Variants in ERBB3 observed in about 807,000 individuals in gnomAD.
ERBB3 encodes erb-b2 receptor tyrosine kinase 3.
A neutral mutation model predicts 156.7 loss-of-function variants in ERBB3; 96 were observed. The observed-to-expected ratio is 0.61, with a 90% CI of 0.52 to 0.73. The LOEUF is 0.73. Ranked by LOEUF, ERBB3 falls within the 30% of genes least tolerant of loss-of-function variation. ERBB3 has a pLI of 0.00. For synonymous variants in ERBB3, 567 were observed against 632.0 expected (o/e 0.90, Z 1.54); for missense variants, 1,406 against 1,709.4 (o/e 0.82, Z 3.13).
At position 56,098,717 on chromosome 12, in the gene ERBB3, C is replaced by G. The variant is rs771231548; in HGVS notation, c.2693-42C>G. The G allele has an allele frequency of 3.7e-6, 6 of 1,612,214 alleles. No homozygotes were observed. The Admixed American group carries it at 1.0e-4, about 27-fold the overall frequency. ...CCTTCCCTTCACTTCATGCCCATGT[C>G]TACTATTTTGCCAGTGACTAGTCCA... On this transcript the variant is annotated intron_variant, in intron 22 of 27. Transcript: ENST00000267101.
intron 23 of ERBB3, 151 bp from the exon 24 acceptor site, chr12:56,099,497 C>T (rs1391609858): frequency 1.4e-6 from 1 of 700,246 alleles, no homozygotes; most frequent in Non-Finnish European, 2.6e-6. Context: ...TGGGGTTTCA[C>T]TATGTTGGCC....
rs545874178 is a variant in ERBB3, at chr12:56,102,647, A to G, written c.*592A>G. On this transcript the variant is annotated 3_prime_UTR_variant, in exon 28 of 28. Transcript: ENST00000267101. The stretch of plus-strand genomic sequence containing the variant: ...TTAGTCCTTTATCATCCTTAAAACA[A>G]TTCTGTGACATACATATTATCTCAT... 3.0e-5 allele frequency: 7 copies of G among 231,922 alleles called. No individual in the cohort carries two copies. The East Asian group carries it at 4.3e-4, about 14-fold the overall frequency. The allele number at this position is 231,922 out of a possible 1,614,324, so 14.4% of individuals were successfully genotyped here. A position where few individuals can be genotyped will look rare whatever the true frequency, so the allele number is the denominator to read the frequency against.
At chr12:56,094,075 C>T (rs377036506) in intron 13 of ERBB3, 24 bp from the exon 14 acceptor site, 9 of 1,595,578 alleles carry the variant, frequency 5.6e-6, no homozygotes, top group African/African-American at 5.4e-5. Context: ...AGTGACCCCC[C>T]CCTCCCTTTA....
At chr12:56,080,634 G>A (rs1565854747) in intron 1 of ERBB3, among the ~76,000 whole-genome samples, 1 of 152,224 alleles carries the variant, frequency 6.6e-6, no homozygotes, top group Non-Finnish European at 1.5e-5. Flanking sequence ...CTCCCCAGAA[G>A]AGGCTGAGGC....
At chr12:56,090,163 CTAA>C (rs1432774866) in intron 9 of ERBB3, among the ~76,000 whole-genome samples, 4 of 151,810 alleles carry the variant, frequency 2.6e-5, no homozygotes, top group Admixed American at 1.3e-4. Flanking sequence ...TCATGCCCGG[CTAA>C]TTTTTGTATT....
At position 56,093,401 on chromosome 12, in the gene ERBB3, G is replaced by C. The variant is rs777498890; in HGVS notation, c.1331G>C (p.Arg444Pro). ...KNLNVTSLGF[R>P]SLKEISAGRI... Reference sequence around the variant, plus strand: ...TTGAATGTCACATCTCTGGGCTTCCGATCCCTGAAGGAAATTAGTGCTGGG... The same window carrying C: ...TTGAATGTCACATCTCTGGGCTTCCCATCCCTGAAGGAAATTAGTGCTGGG... Residue 444 changes from arginine (R) to proline (P), a missense_variant, in exon 12 of 28, where the codon CGA becomes CCA. This residue lies in a region of ERBB3 where 979 missense variants were observed against 1,219.6 expected (regional missense o/e 0.80). Transcript: ENST00000267101. 1.9e-6 allele frequency: 3 copies of C among 1,613,930 alleles called. No individual in the cohort carries two copies. The highest frequency in any genetic ancestry group is 1.1e-5 in the South Asian group (1 of 91,078).
At chr12:56,098,449 T>A in intron 21 of ERBB3, 51 bp from the exon 22 acceptor site, 3 of 1,308,196 alleles carry the variant, frequency 2.3e-6, no homozygotes, top group Non-Finnish European at 3.3e-6. Context: ...TTGGAAATCC[T>A]AAGAAAATTT....
chr12:56,080,253 G>C lies in ERBB3; in HGVS notation c.-48G>C, dbSNP rs1868336402. On this transcript the variant is annotated 5_prime_UTR_variant, in exon 1 of 28. Coordinates refer to ENST00000267101, the MANE Select transcript of ERBB3 (RefSeq NM_001982.4). ...TCTTGCCTCGATGTCCTAGCCTAGG[G>C]GCCCCCGGGCCGGACTTGGCTGGGC... 6.8e-7 allele frequency: 1 copy of C among 1,477,402 alleles called. No individual in the cohort carries two copies. Among genetic ancestry groups the C allele is most frequent in the South Asian group, 1.2e-5 (1 of 82,648 alleles). 91.5% of individuals were successfully genotyped at this position (1,477,402 alleles called of 1,614,324 possible).
Position 56,093,342 on chromosome 12 carries a change from C to T in ERBB3, c.1275-3C>T, listed in dbSNP as rs1190862738. ...TCCTCTCATCCTGTCTCCTTATTCT[C>T]AGCCGGGGCTTCTCATTGTTGATCA... On this transcript the variant is annotated splice_region_variant and splice_polypyrimidine_tract_variant and intron_variant, in intron 11 of 27. Transcript: ENST00000267101. 6.2e-7 allele frequency: 1 copy of T among 1,612,710 alleles called. No individual in the cohort carries two copies. Among genetic ancestry groups the T allele is most frequent in the African/African-American group, 1.3e-5 (1 of 74,992 alleles).
chr12:56,087,587 T>C lies in ERBB3; in HGVS notation c.558T>C (p.Cys186=). 1 of 1,614,038 alleles carries C rather than the reference T, an allele frequency of 6.2e-7. No homozygotes were observed. The highest frequency in any genetic ancestry group is 1.1e-5 in the South Asian group (1 of 91,076). ...TTCCTTCCCAACCAGGTCCCCCCTG[T>C]CATGAGGTTTGCAAGGGGCGATGCT... ...VKDNGRSCPP[C]HEVCKGRCWG... is the part of the protein sequence containing the mutation. The change falls in exon 5 of 28, where the codon TGT becomes TGC. Residue 186 remains cysteine, a synonymous_variant. Coordinates refer to ENST00000267101, the MANE Select transcript of ERBB3 (RefSeq NM_001982.4).
chr12:56,089,883 A>T (rs1012344396), intron 9 of ERBB3, among the ~76,000 whole-genome samples: 1 of 146,204 alleles, frequency 6.8e-6, no homozygotes, highest in African/African-American at 2.6e-5. Flanking sequence ...GTGTGTGTGT[A>T]AAAAAAACCC....
intron 2 of ERBB3, among the ~76,000 whole-genome samples, chr12:56,084,188 G>A (rs1301765761): frequency 6.6e-6 from 1 of 152,150 alleles, no homozygotes; most frequent in African/African-American, 2.4e-5. Context: ...AGGACCAAGA[G>A]GTTACCTGGG....
intron 2 of ERBB3, among the ~76,000 whole-genome samples, chr12:56,084,157 A>G (rs1868399702): frequency 6.6e-6 from 1 of 152,236 alleles, no homozygotes; most frequent in East Asian, 1.9e-4. Flanking sequence ...GTCAGCAGGG[A>G]CTAGTGCAGA....
rs762035321 is a variant in ERBB3 at position 56,088,793 on chromosome 12, C to T, written c.1034C>T (p.Ser345Leu). Reference protein sequence around the residue: ...GSGSRFQTVDSSNIDGFVNCT... With the variant: ...GSGSRFQTVDLSNIDGFVNCT... ...GGGAGCCGCTTCCAGACTGTGGACT[C>T]GAGCAACATTGATGGATTTGTGAAC... The change falls in exon 9 of 28, where the codon TCG becomes TTG. Residue 345 changes from serine (S) to leucine (L), a missense_variant. This residue lies in a region of ERBB3 where 979 missense variants were observed against 1,219.6 expected (regional missense o/e 0.80). Coordinates refer to ENST00000267101, the MANE Select transcript of ERBB3 (RefSeq NM_001982.4). 10 of 1,614,114 alleles carry T rather than the reference C, an allele frequency of 6.2e-6. No individual in the cohort carries two copies. Among genetic ancestry groups the T allele is most frequent in the African/African-American group, 2.7e-5 (2 of 75,022 alleles).
At chr12:56,093,298 A>G in intron 11 of ERBB3, 47 bp from the exon 12 acceptor site, 1 of 1,522,762 alleles carries the variant, frequency 6.6e-7, no homozygotes, top group Non-Finnish European at 9.1e-7. Context: ...TGAATAGTTA[A>G]TGTTCCCTTA....
chr12:56,102,235 G>A lies in ERBB3; in HGVS notation c.*180G>A. The stretch of plus-strand genomic sequence containing the variant: ...TGACACAAAATTCTTATGGTATGTA[G>A]CCAGCTGTGCACTTTCTTCTCTTTC... On this transcript the variant is annotated 3_prime_UTR_variant, in exon 28 of 28. Transcript: ENST00000267101. The A allele has an allele frequency of 1.6e-6, 1 of 626,850 alleles. No individual in the cohort carries two copies. Among genetic ancestry groups the A allele is most frequent in the East Asian group, 2.7e-5 (1 of 36,492 alleles). 38.8% of individuals were successfully genotyped at this position (626,850 alleles called of 1,614,324 possible). A position where few individuals can be genotyped will look rare whatever the true frequency, so the allele number is the denominator to read the frequency against.
chr12:56,092,791 A>G lies in ERBB3; in HGVS notation c.1154A>G (p.Asn385Ser), dbSNP rs12320176. ...KIPALDPEKL[N>S]VFRTVREITG... The stretch of plus-strand genomic sequence containing the variant: ...CCTGCCCTGGACCCAGAGAAGCTCA[A>G]TGTCTTCCGGACAGTACGGGAGATC... The change falls in exon 10 of 28, where the codon AAT becomes AGT. Residue 385 changes from asparagine (N) to serine (S), a missense_variant. Coordinates refer to ENST00000267101, the MANE Select transcript of ERBB3 (RefSeq NM_001982.4). 334 of 1,614,184 alleles carry G rather than the reference A, an allele frequency of 2.1e-4. No homozygotes were observed. The African/African-American group carries it at 3.6e-3, about 17-fold the overall frequency.
intron 3 of ERBB3, chr12:56,085,448 G>A: frequency 7.1e-7 from 1 of 1,413,848 alleles, no homozygotes; most frequent in South Asian, 1.7e-5. Flanking sequence ...TAATTTCAAA[G>A]TACAGTGTAC....
intron 9 of ERBB3, among the ~76,000 whole-genome samples, chr12:56,091,279 T>TAAATA (rs1565858469): frequency 8.8e-5 from 6 of 68,450 alleles, no homozygotes; most frequent in African/African-American, 2.9e-4. Context: ...TATATATATA[T>TAAATA]ATATATATAT....
Sources: allele counts gnomAD v4.1 joint callset (sites outside exome capture counted in the v4.1 genomes callset), GRCh38; gene constraint gnomAD v4.1.1; regional missense constraint gnomAD v4.1.1; transcripts MANE v1.5; gene names NCBI Gene and HGNC (gene_info 2026-07-23, HGNC 2026-07-21).